The following NARS2 variants were observed in gnomAD, a reference collection of about 807,000 sequenced individuals.
NARS2 encodes asparaginyl-tRNA synthetase.
Under a neutral mutation model 62.9 loss-of-function variants are expected in NARS2, and 60 were observed. That is an observed-to-expected ratio of 0.95 (90% CI 0.77 to 1.18). NARS2 has a LOEUF of 1.18. Ranked by LOEUF, NARS2 falls within the 50% of genes most tolerant of loss-of-function variation. NARS2 has a pLI of 0.00. For missense variants in NARS2, 619 were observed against 576.4 expected, an observed-to-expected ratio of 1.07 and a Z score of -0.76; for synonymous variants, 196 against 200.0, an observed-to-expected ratio of 0.98 and a Z score of 0.17.
intron 7 of NARS2, among the ~76,000 whole-genome samples, chr11:78,483,188 A>G (rs918084086): frequency 6.6e-6 from 1 of 152,226 alleles, no homozygotes; most frequent in Admixed American, 6.5e-5. Context: ...AAAATTCAAC[A>G]GCCCTTCATG....
intron 5 of NARS2, among the ~76,000 whole-genome samples, chr11:78,534,857 G>GA (rs540137270): frequency 6.6e-5 from 10 of 152,166 alleles, no homozygotes; most frequent in Admixed American, 3.9e-4. Flanking sequence ...AAAGAGCATG[G>GA]AAAAAAACCT....
rs974448136 is a variant in NARS2, at chr11:78,565,984, T to A, written c.513+148A>T. 5 of 602,198 alleles carry A rather than the reference T, an allele frequency of 8.3e-6. No homozygotes were observed. In the South Asian group the frequency reaches 1.5e-4, roughly 18 times the overall value. 37.3% of individuals were successfully genotyped at this position (602,198 alleles called of 1,614,324 possible). A position where few individuals can be genotyped will look rare whatever the true frequency, so the allele number is the denominator to read the frequency against. On this transcript the variant is annotated intron_variant, in intron 4 of 13. Transcript: ENST00000281038. ...GCACCCAAAGCTAGGTCATGTAGAGTCAAGAAACCATAACCCATAATGAAG... is the reference window on the plus strand; with the variant it reads ...GCACCCAAAGCTAGGTCATGTAGAGACAAGAAACCATAACCCATAATGAAG...
At chr11:78,502,143 A>T (rs916023281) in intron 6 of NARS2, among the ~76,000 whole-genome samples, 1 of 152,236 alleles carries the variant, frequency 6.6e-6, no homozygotes, top group Non-Finnish European at 1.5e-5. Flanking sequence ...CAGAAAGCAG[A>T]AAGTGGTTGC....
At chr11:78,554,908 T>G (rs548936818) in intron 5 of NARS2, among the ~76,000 whole-genome samples, 1 of 152,262 alleles carries the variant, frequency 6.6e-6, no homozygotes, top group Admixed American at 6.5e-5. Context: ...GGGTTTGTCA[T>G]AGATGGCTCT....
At chr11:78,460,110 G>A (rs1022576668) in intron 11 of NARS2, among the ~76,000 whole-genome samples, 1 of 152,158 alleles carries the variant, frequency 6.6e-6, no homozygotes, top group Non-Finnish European at 1.5e-5. Context: ...GTGGTGATAG[G>A]AGAGAACAAA....
At chr11:78,441,834 T>C (rs531437714) in intron 12 of NARS2, among the ~76,000 whole-genome samples, 2 of 152,366 alleles carry the variant, frequency 1.3e-5, no homozygotes, top group African/African-American at 4.8e-5. Flanking sequence ...ATATAGATTC[T>C]GAGGCTGCCT....
intron 6 of NARS2, among the ~76,000 whole-genome samples, chr11:78,507,632 G>A (rs1432575849): frequency 2.0e-5 from 3 of 150,762 alleles, no homozygotes; most frequent in Non-Finnish European, 4.4e-5. Flanking sequence ...CCATTCTCCT[G>A]CCTCAGCCTC....
At chr11:78,542,548 G>C (rs553896858) in intron 5 of NARS2, among the ~76,000 whole-genome samples, 1 of 152,192 alleles carries the variant, frequency 6.6e-6, no homozygotes, top group South Asian at 2.1e-4. Flanking sequence ...ACTTCTGTGA[G>C]AAGGGATACC....
intron 7 of NARS2, among the ~76,000 whole-genome samples, chr11:78,481,390 C>T (rs950779807): frequency 5.3e-5 from 8 of 152,098 alleles, no homozygotes; most frequent in Non-Finnish European, 1.0e-4. Flanking sequence ...TTTATGCAGG[C>T]TCATATGCCT....
chr11:78,477,269 C>T (rs1417713376), intron 9 of NARS2, among the ~76,000 whole-genome samples: 1 of 152,160 alleles, frequency 6.6e-6, no homozygotes, highest in Non-Finnish European at 1.5e-5. Flanking sequence ...CAGACCCACA[C>T]TTTCAGTTGC....
chr11:78,487,130 C>G (rs573901583), intron 7 of NARS2, among the ~76,000 whole-genome samples: 22 of 151,804 alleles, frequency 1.4e-4, no homozygotes, highest in Non-Finnish European at 5.9e-5. Flanking sequence ...CTGAGGTGGG[C>G]GGATCACTTG....
At chr11:78,504,775 C>T (rs1860424747) in intron 6 of NARS2, among the ~76,000 whole-genome samples, 1 of 151,984 alleles carries the variant, frequency 6.6e-6, no homozygotes. Flanking sequence ...AATATAACAC[C>T]GGTGAAGAGA....
At chr11:78,461,602 TAAAAA>T (rs59664343) in intron 11 of NARS2, among the ~76,000 whole-genome samples, 3 of 64,076 alleles carry the variant, frequency 4.7e-5, no homozygotes, top group East Asian at 4.2e-4. Flanking sequence ...GCTGTGCTGG[TAAAAA>T]AAAAAAAAAA....
intron 5 of NARS2, among the ~76,000 whole-genome samples, chr11:78,539,634 G>A (rs909173252): frequency 6.6e-6 from 1 of 152,140 alleles, no homozygotes; most frequent in Non-Finnish European, 1.5e-5. Flanking sequence ...GTATGTAGAT[G>A]GTATGGTACA....
In NARS2 at chr11:78,520,368, G is replaced by C. The variant is rs147372476; in HGVS notation, c.689+8474C>G. Among the ~76,000 whole-genome samples, 530 of 152,190 alleles carry C rather than the reference G, an allele frequency of 3.5e-3. 2 individuals carry two copies. The highest frequency in any genetic ancestry group is 0.012 in the African/African-American group (509 of 41,504). On this transcript the variant is annotated intron_variant, in intron 6 of 13. Transcript: ENST00000281038. The stretch of plus-strand genomic sequence containing the variant: ...TCTTAGCATTCTTCCCTGTGTGTGT[G>C]TCTCCTACATCTCTATATCCAAATC...
intron 5 of NARS2, chr11:78,533,175 C>T (rs529652234): frequency 2.0e-5 from 3 of 152,160 alleles, no homozygotes; most frequent in Non-Finnish European, 4.4e-5. Flanking sequence ...CAACTGACCT[C>T]GCTGAAGACT....
At chr11:78,538,608 T>C (rs1460334365) in intron 5 of NARS2, among the ~76,000 whole-genome samples, 2 of 151,824 alleles carry the variant, frequency 1.3e-5, no homozygotes, top group African/African-American at 2.4e-5. Flanking sequence ...GAACAGCCAG[T>C]AGAGAGATCA....
At position 78,513,552 on chromosome 11, in the gene NARS2, C is replaced by T. The variant is rs550367404; in HGVS notation, c.689+15290G>A. ...CAGCACTTAGGGAAGCCGAGGCGGG[C>T]GGATCACCTGAGGTTAGGAGTTTGA... On this transcript the variant is annotated intron_variant, in intron 6 of 13. Coordinates refer to ENST00000281038, the MANE Select transcript of NARS2 (RefSeq NM_024678.6). 4.0e-5 allele frequency among the ~76,000 whole-genome samples: 6 copies of T among 151,578 alleles called. No individual in the cohort carries two copies. The South Asian group carries it at 8.4e-4, about 21-fold the overall frequency.
chr11:78,461,449 T>C (rs1386738960), intron 11 of NARS2, among the ~76,000 whole-genome samples: 1 of 151,856 alleles, frequency 6.6e-6, no homozygotes, highest in Admixed American at 6.6e-5. Flanking sequence ...TGATTAGCAC[T>C]GACCGGCCAA....
Sources: allele counts gnomAD v4.1 joint callset (sites outside exome capture counted in the v4.1 genomes callset), GRCh38; gene constraint gnomAD v4.1.1; transcripts MANE v1.5; gene names NCBI Gene and HGNC (gene_info 2026-07-23, HGNC 2026-07-21).